Variants in CFAP46 observed in about 807,000 individuals in gnomAD.
CFAP46 encodes cilia and flagella associated protein 46, also known as cilia- and flagella-associated protein 46.
In CFAP46, 245 loss-of-function variants were observed where a neutral mutation model predicts 325.7. That is an observed-to-expected ratio of 0.75 (90% CI 0.68 to 0.84). The LOEUF (loss-of-function observed/expected upper bound fraction) is 0.84. Among genes scored for constraint, CFAP46 ranks in the 40% least tolerant of loss-of-function variants. The pLI is 0.00. For synonymous variants in CFAP46, 1,523 were observed against 1,495.9 expected, an observed-to-expected ratio of 1.02 and a Z score of -0.42; for missense variants, 3,346 against 3,543.0, an observed-to-expected ratio of 0.94 and a Z score of 1.41.
At chr10:132,925,800 G>T (rs1849801405) in intron 10 of CFAP46, among the ~76,000 whole-genome samples, 2 of 152,224 alleles carry the variant, frequency 1.3e-5, no homozygotes, top group Middle Eastern at 3.2e-3. Flanking sequence ...TAGGAGTGGG[G>T]ATGGGGAAGG....
chr10:132,811,443 T>C (rs1847580228), intron 55 of CFAP46, among the ~76,000 whole-genome samples: 1 of 152,122 alleles, frequency 6.6e-6, no homozygotes, highest in South Asian at 2.1e-4. Flanking sequence ...CAGCACTGAC[T>C]GGGGGCTGAT....
intron 20 of CFAP46, among the ~76,000 whole-genome samples, 194 bp downstream of exon 20, chr10:132,909,725 G>C (rs866212714): frequency 1.3e-5 from 2 of 152,370 alleles, no homozygotes; most frequent in South Asian, 4.1e-4. Flanking sequence ...GGACGGGTGG[G>C]CAGAGGAGGC....
chr10:132,850,579 TC>T, intron 40 of CFAP46, 147 bp from the exon 41 acceptor site: 1 of 736,938 alleles, frequency 1.4e-6, no homozygotes, highest in Non-Finnish European at 2.1e-6. Flanking sequence ...AGGGAGGGTC[TC>T]CAGGGCTCTG....
chr10:132,852,691 A>G (rs1483295118), intron 39 of CFAP46, among the ~76,000 whole-genome samples: 1 of 151,468 alleles, frequency 6.6e-6, no homozygotes, highest in Non-Finnish European at 1.5e-5. Context: ...GGCATTCTCA[A>G]ATTCTGATCC....
chr10:132,892,451 GA>G (rs940636761), intron 24 of CFAP46, 34 bp from the exon 25 acceptor site: 1 of 1,542,590 alleles, frequency 6.5e-7, no homozygotes, highest in African/African-American at 1.4e-5. Context: ...ACGTATATTT[GA>G]AAGTTGCAAG....
intron 50 of CFAP46, among the ~76,000 whole-genome samples, chr10:132,829,954 A>T (rs1282789073): frequency 1.3e-5 from 2 of 151,626 alleles, no homozygotes; most frequent in Non-Finnish European, 2.9e-5. Flanking sequence ...TGTTATTAGC[A>T]TCTATAGCCA....
At chr10:132,937,482 C>A in intron 6 of CFAP46, 70 bp downstream of exon 6, 1 of 1,576,994 alleles carries the variant, frequency 6.3e-7, no homozygotes, top group Non-Finnish European at 8.7e-7. Context: ...GTAATTTCTA[C>A]GCAGTTTTCT....
intron 8 of CFAP46, 21 bp downstream of exon 8, chr10:132,934,731 T>C (rs1332237133): frequency 2.8e-6 from 4 of 1,440,046 alleles, no homozygotes; most frequent in Non-Finnish European, 2.9e-6. Context: ...GATGTGATAT[T>C]GGAAAAATAC....
At chr10:132,942,390 T>TCCCGGGGCCTC in intron 1 of CFAP46, 46 bp downstream of exon 1, 1 of 1,339,242 alleles carries the variant, frequency 7.5e-7, no homozygotes, top group Non-Finnish European at 9.5e-7. Context: ...TCGTGGCGGG[T>TCCCGGGGCCTC]CCCGGGGCCT....
At chr10:132,836,266 C>T in intron 45 of CFAP46, 48 bp from the exon 46 acceptor site, 1 of 1,566,126 alleles carries the variant, frequency 6.4e-7, no homozygotes, top group South Asian at 1.1e-5. Context: ...ATGAAGGAAA[C>T]ACACCTCACA....
chr10:132,911,338 T>C (rs4880284), intron 19 of CFAP46, among the ~76,000 whole-genome samples: 53,766 of 152,150 alleles, frequency 0.35, 9,873 homozygotes, highest in Admixed American at 0.49. Flanking sequence ...CTGTGAGCGT[T>C]GTGAGTGCCG....
At chr10:132,887,182 TTC>T (rs200120870) in intron 25 of CFAP46, among the ~76,000 whole-genome samples, 103 of 95,802 alleles carry the variant, frequency 1.1e-3, no homozygotes, top group African/African-American at 1.1e-3. Context: ...CTCTCCCCTC[TTC>T]TCTCTCTCCT....
chr10:132,912,228 T>TCTCTCTCTCCC (rs1393734248), intron 19 of CFAP46, among the ~76,000 whole-genome samples: 1 of 134,448 alleles, frequency 7.4e-6, no homozygotes, highest in Non-Finnish European at 1.6e-5. Flanking sequence ...TCTCTTCTCC[T>TCTCTCTCTCCC]CTCTCCTGTC....
In CFAP46 at chr10:132,833,953, C is replaced by A; in HGVS notation, c.6949+88G>T. The A allele has an allele frequency of 2.4e-6, 3 of 1,259,768 alleles. No homozygotes were observed. In the South Asian group the frequency reaches 3.8e-5, roughly 16 times the overall value. The allele number at this position is 1,259,768 out of a possible 1,614,324, so 78.0% of individuals were successfully genotyped here. A position where few individuals can be genotyped will look rare whatever the true frequency, so the allele number is the denominator to read the frequency against. ...CTCCTGGGTTCCTGACCCCCCCTGGCGTTCCCGGATGGGTGGGTGGATCCC... is the reference window on the plus strand; with the variant it reads ...CTCCTGGGTTCCTGACCCCCCCTGGAGTTCCCGGATGGGTGGGTGGATCCC... On this transcript the variant is annotated intron_variant, in intron 49 of 57. Coordinates refer to ENST00000368586, the MANE Select transcript of CFAP46 (RefSeq NM_001200049.3).
rs368553639 is a variant in CFAP46, at chr10:132,876,949, C to T, written c.4225G>A (p.Ala1409Thr). The change falls in exon 31 of 58, where the codon GCT becomes ACT. Residue 1409 changes from alanine (A) to threonine (T), a missense_variant. Coordinates refer to ENST00000368586, the MANE Select transcript of CFAP46 (RefSeq NM_001200049.3). The surrounding 1 kb of genome is among the most constrained non-coding windows in gnomAD (Gnocchi z 4.1). ...AAGTCTTCCAGTTGTTTGATAGGAG[C>T]TGGGCTTTGAGACTAGAAAGGCAAG... ...VKEPKQSQSPAPIKQLEDLPM... is the reference protein window; with the variant it reads ...VKEPKQSQSPTPIKQLEDLPM... 6 of 1,549,604 alleles carry T rather than the reference C, an allele frequency of 3.9e-6. 1 individual carries two copies. The African/African-American group carries it at 8.2e-5, about 21-fold the overall frequency.
At chr10:132,858,909 G>A (rs548303949) in intron 38 of CFAP46, among the ~76,000 whole-genome samples, 162 bp downstream of exon 38, 12 of 152,238 alleles carry the variant, frequency 7.9e-5, no homozygotes, top group Admixed American at 7.2e-4. Context: ...TGATCAGAAC[G>A]TGTGGGTGAG....
rs1848168681 is a variant in CFAP46, at chr10:132,832,597, G to C, written c.7117+761C>G. ...ATCTGGTCCCTGTTACTTCATCTGA[G>C]ATGGAAGCAAAAGTCCAATCGATTT... On this transcript the variant is annotated intron_variant, in intron 50 of 57. Transcript: ENST00000368586. This position sits in a 1 kb window ranked among gnomAD's most constrained non-coding sequence, Gnocchi z 4.1. 1 of 355,348 alleles carries C rather than the reference G, an allele frequency of 2.8e-6. No individual in the cohort carries two copies. Among genetic ancestry groups the C allele is most frequent in the African/African-American group, 2.1e-5 (1 of 46,932 alleles). The allele number at this position is 355,348 out of a possible 1,614,324, so 22.0% of individuals were successfully genotyped here.
At chr10:132,850,135 C>T (rs1162985446) in intron 41 of CFAP46, 109 bp downstream of exon 41, 18 of 1,131,354 alleles carry the variant, frequency 1.6e-5, no homozygotes, top group Admixed American at 2.3e-5. Flanking sequence ...TTTCTCTCTT[C>T]CTGGGGCCAC....
Position 132,860,913 on chromosome 10 carries a change from T to G in CFAP46, c.4960A>C (p.Asn1654His). The G allele has an allele frequency of 6.4e-7, 1 of 1,550,742 alleles. No homozygotes were observed. The highest frequency in any genetic ancestry group is 8.7e-7 in the Non-Finnish European group (1 of 1,147,022). ...LLAQLANKEKNYGQAKKMIAQ... is the reference protein window; with the variant it reads ...LLAQLANKEKHYGQAKKMIAQ... Reference sequence around the variant, plus strand: ...ATCATTTTCTTGGCTTGTCCATAGTTTTTCTCCTTGTTGGCCAACTGTGCG... The same window carrying G: ...ATCATTTTCTTGGCTTGTCCATAGTGTTTCTCCTTGTTGGCCAACTGTGCG... Residue 1654 changes from asparagine (N) to histidine (H), a missense_variant, in exon 36 of 58, where the codon AAC becomes CAC. Physicochemically the swap from Asn to His is moderately conservative, Grantham distance 68. Transcript: ENST00000368586.
Sources: gnomAD v4.1 joint callset for allele counts (sites outside exome capture counted in the v4.1 genomes callset) on GRCh38, gnomAD v4.1.1 for gene constraint, Gnocchi (gnomAD v3.1) non-coding constraint, MANE v1.5 for transcripts, NCBI Gene and HGNC (gene_info 2026-07-23, HGNC 2026-07-21) for gene names.